The following CCDC6 variants were observed in gnomAD, a reference collection of about 807,000 sequenced individuals.
The protein encoded by CCDC6 is coiled-coil domain-containing protein 6.
Under a neutral mutation model 56.6 loss-of-function variants are expected in CCDC6, and 20 were observed. That is an observed-to-expected ratio of 0.35 (90% CI 0.25 to 0.51). The LOEUF (loss-of-function observed/expected upper bound fraction) is 0.51. CCDC6 is among the 20% of genes least tolerant of loss of function. The pLI is 0.95. For missense variants in CCDC6, 367 were observed against 601.1 expected, an observed-to-expected ratio of 0.61 and a Z score of 4.07; for synonymous variants, 241 against 234.4, an observed-to-expected ratio of 1.03 and a Z score of -0.26.
chr10:59,899,130 G>A (rs61845862), intron 1 of CCDC6, among the ~76,000 whole-genome samples: 6,597 of 152,188 alleles, frequency 0.043, 195 homozygotes, highest in Middle Eastern at 0.092. Context: ...GAATCTGCAA[G>A]TTAACACCAC....
intron 3 of CCDC6, among the ~76,000 whole-genome samples, chr10:59,827,956 G>A (rs575438701): frequency 6.6e-6 from 1 of 152,292 alleles, no homozygotes; most frequent in South Asian, 2.1e-4. Flanking sequence ...GTATGCCACT[G>A]TTGTCTTCTT....
chr10:59,898,161 A>C (rs1224286220), intron 1 of CCDC6, among the ~76,000 whole-genome samples: 1 of 152,206 alleles, frequency 6.6e-6, no homozygotes, highest in Admixed American at 6.5e-5. Context: ...TCCATCCACC[A>C]TTATTCCATG....
At chr10:59,889,609 G>A (rs1286941335) in intron 1 of CCDC6, among the ~76,000 whole-genome samples, 1 of 152,146 alleles carries the variant, frequency 6.6e-6, no homozygotes, top group East Asian at 1.9e-4. Context: ...CTTCTCTCCT[G>A]CTCTGCAAGG....
intron 1 of CCDC6, among the ~76,000 whole-genome samples, chr10:59,859,050 TA>T (rs1427202258): frequency 6.6e-6 from 1 of 152,092 alleles, no homozygotes; most frequent in Non-Finnish European, 1.5e-5. Context: ...GTTGTGAAGA[TA>T]AACTAAATAA....
chr10:59,903,178 TG>T (rs1446363775), intron 1 of CCDC6, among the ~76,000 whole-genome samples: 1 of 152,198 alleles, frequency 6.6e-6, no homozygotes, highest in Non-Finnish European at 1.5e-5. Context: ...GAACAGAGCG[TG>T]GAAGACTTCC....
intron 3 of CCDC6, among the ~76,000 whole-genome samples, chr10:59,816,938 A>C (rs2070714134): frequency 6.6e-6 from 1 of 152,200 alleles, no homozygotes; most frequent in South Asian, 2.1e-4. Context: ...GCATGGCAGA[A>C]TTTGATTCTG....
intron 3 of CCDC6, among the ~76,000 whole-genome samples, chr10:59,824,468 G>A (rs1281636165): frequency 6.6e-6 from 1 of 152,178 alleles, no homozygotes; most frequent in African/African-American, 2.4e-5. Flanking sequence ...CAAGCAGTGG[G>A]TGGGATGAAT....
chr10:59,817,188 T>C (rs1329924579), intron 3 of CCDC6, among the ~76,000 whole-genome samples: 1 of 152,192 alleles, frequency 6.6e-6, no homozygotes, highest in African/African-American at 2.4e-5. Flanking sequence ...AGTCATTTCT[T>C]TTCTTTTCTT....
intron 1 of CCDC6, among the ~76,000 whole-genome samples, chr10:59,856,637 C>A (rs935783752): frequency 6.6e-6 from 1 of 152,068 alleles, no homozygotes; most frequent in African/African-American, 2.4e-5. Flanking sequence ...GGCCTACAAG[C>A]AAAGAAGCAA....
chr10:59,828,219 AG>A lies in CCDC6; in HGVS notation c.582+4305del, dbSNP rs2070805253. ...AGAGATGTATAGTGACCACGTTTGA[AG>A]AAAAATCTGCAAGTCAGGGTTTATA... On this transcript the variant is annotated intron_variant, in intron 3 of 8. Coordinates refer to ENST00000263102, the MANE Select transcript of CCDC6 (RefSeq NM_005436.5). 2.0e-5 allele frequency among the ~76,000 whole-genome samples: 3 copies of A among 152,228 alleles called. No homozygotes were observed. In the South Asian group the frequency reaches 6.2e-4, roughly 32 times the overall value.
chr10:59,852,678 C>A lies in CCDC6; in HGVS notation c.328G>T (p.Glu110Ter). Reference protein sequence around the residue: ...TIQARAEQEEEFISNTLFKKI... With the variant: ...TIQARAEQEE ...TTGAATAAAGTGTTACTAATGAATT[C>A]TTCTTCCTGCTCAGCCCTGGCTTGC... The change falls in exon 2 of 9, where the codon GAA becomes TAA. Residue 110 changes from glutamate to a stop codon, truncating the protein, a stop_gained. Coordinates refer to ENST00000263102, the MANE Select transcript of CCDC6 (RefSeq NM_005436.5). LOFTEE classifies it high-confidence loss of function. The A allele has an allele frequency of 6.3e-7, 1 of 1,591,060 alleles. No homozygotes were observed. The highest frequency in any genetic ancestry group is 1.2e-5 in the South Asian group (1 of 86,312).
At chr10:59,897,375 T>C (rs1261532325) in intron 1 of CCDC6, among the ~76,000 whole-genome samples, 1 of 151,960 alleles carries the variant, frequency 6.6e-6, no homozygotes, top group Non-Finnish European at 1.5e-5. Context: ...TGCCTCAGCC[T>C]CCCGAGTAGC....
intron 3 of CCDC6, among the ~76,000 whole-genome samples, chr10:59,816,084 G>A (rs1330563169): frequency 6.6e-6 from 1 of 152,148 alleles, no homozygotes; most frequent in Admixed American, 6.5e-5. Flanking sequence ...GGAGCTCACA[G>A]AGAGCAAAAG....
chr10:59,797,387 AT>A (rs890191628), intron 7 of CCDC6, among the ~76,000 whole-genome samples: 18 of 151,934 alleles, frequency 1.2e-4, no homozygotes, highest in African/African-American at 4.1e-4. Context: ...CACAATAATG[AT>A]TTTTTTAAGT....
At chr10:59,858,103 T>C (rs2071095021) in intron 1 of CCDC6, among the ~76,000 whole-genome samples, 1 of 152,296 alleles carries the variant, frequency 6.6e-6, no homozygotes, top group East Asian at 1.9e-4. Context: ...CCTGCAGACA[T>C]CTGTTTAATA....
chr10:59,873,149 T>A (rs1001312216), intron 1 of CCDC6, among the ~76,000 whole-genome samples: 1 of 152,170 alleles, frequency 6.6e-6, no homozygotes, highest in Admixed American at 6.5e-5. Flanking sequence ...TACCTTTCCA[T>A]AGCTCCACTC....
intron 1 of CCDC6, among the ~76,000 whole-genome samples, chr10:59,901,963 A>G (rs888302842): frequency 3.9e-5 from 6 of 152,186 alleles, no homozygotes; most frequent in African/African-American, 1.4e-4. Flanking sequence ...AGAAATTATG[A>G]TCTGTAATCA....
intron 7 of CCDC6, among the ~76,000 whole-genome samples, chr10:59,795,281 A>G (rs2070504169): frequency 6.6e-6 from 1 of 152,158 alleles, no homozygotes; most frequent in Non-Finnish European, 1.5e-5. Context: ...ACACACTCAA[A>G]TAGTCCAATG....
At chr10:59,793,805 T>A (rs559694339) in intron 8 of CCDC6, among the ~76,000 whole-genome samples, 73 of 151,662 alleles carry the variant, frequency 4.8e-4, no homozygotes, top group African/African-American at 1.7e-3. Flanking sequence ...TACTTTTACA[T>A]AAAGTCCATC....
Sources: gnomAD v4.1 joint callset for allele counts (sites outside exome capture counted in the v4.1 genomes callset) on GRCh38, gnomAD v4.1.1 for gene constraint, MANE v1.5 for transcripts, NCBI Gene and HGNC (gene_info 2026-07-23, HGNC 2026-07-21) for gene names.